GALNT13: variants seen among roughly 807,000 people sequenced by gnomAD.
The protein encoded by GALNT13 is UDP-GalNAc:polypeptide N-acetylgalactosaminyltransferase 13.
GALNT13 carries 28 observed loss-of-function variants against 64.2 expected under a neutral mutation model. That is an observed-to-expected ratio of 0.44 (90% CI 0.32 to 0.60). The LOEUF (loss-of-function observed/expected upper bound fraction) is 0.60, where lower values mean the gene tolerates loss of function less well. Ranked by LOEUF, GALNT13 falls within the 20% of genes least tolerant of loss-of-function variation. The probability of loss-of-function intolerance (pLI) is 0.05; values close to 1 mark genes in which losing one functional copy is unlikely to be tolerated. For synonymous variants in GALNT13, 214 were observed against 224.6 expected (o/e 0.95, Z 0.42); for missense variants, 577 against 669.8 (o/e 0.86, Z 1.53).
At position 154,169,441 on chromosome 2, in the gene GALNT13, A is replaced by T. The variant is rs2105695521; in HGVS notation, c.311+28936A>T. 2.6e-5 allele frequency among the ~76,000 whole-genome samples: 4 copies of T among 152,310 alleles called. No homozygotes were observed. In the Middle Eastern group the frequency reaches 0.01, roughly 389 times the overall value. ...ATGAACACAACCAGCTCTTGTGAGC[A>T]GGTATTAGCCAGCAGCAGCATACCA... On this transcript the variant is annotated intron_variant, in intron 4 of 12. Coordinates refer to ENST00000392825, the MANE Select transcript of GALNT13 (RefSeq NM_052917.4).
intron 9 of GALNT13, among the ~76,000 whole-genome samples, chr2:154,306,782 G>T (rs536896333): frequency 1.2e-4 from 19 of 152,112 alleles, no homozygotes; most frequent in South Asian, 4.2e-4. Flanking sequence ...AAAATGTAGG[G>T]TCTGCAAAAT....
the GALNT13 span, among the ~76,000 whole-genome samples, chr2:153,175,679 T>C: frequency 1.8e-4 from 27 of 152,280 alleles, no homozygotes; most frequent in African/African-American, 5.8e-4. Flanking sequence ...AAACACTAGG[T>C]AGTAGCAGAA....
chr2:153,349,673 C>T, the GALNT13 span, among the ~76,000 whole-genome samples: 1 of 152,028 alleles, frequency 6.6e-6, no homozygotes, highest in South Asian at 2.1e-4. Context: ...CTAAATTTGC[C>T]TTAATCCAAC....
chr2:153,676,213 C>A, the GALNT13 span, among the ~76,000 whole-genome samples: 1 of 151,960 alleles, frequency 6.6e-6, no homozygotes, highest in Non-Finnish European at 1.5e-5. Context: ...ATACAAAAAA[C>A]CCTCAGAGAT....
chr2:153,874,622 A>T (rs969333501), intron 1 of GALNT13, among the ~76,000 whole-genome samples: 3 of 152,092 alleles, frequency 2.0e-5, no homozygotes, highest in Admixed American at 6.5e-5. Flanking sequence ...TGGTTGATTG[A>T]TTAGCATGCA....
At chr2:153,943,240 C>T (rs191151113) in intron 2 of GALNT13, among the ~76,000 whole-genome samples, 4 of 152,134 alleles carry the variant, frequency 2.6e-5, no homozygotes, top group Admixed American at 2.6e-4. Flanking sequence ...TAATTATGTA[C>T]ATATCTTTGT....
the GALNT13 span, among the ~76,000 whole-genome samples, chr2:153,265,556 G>A: frequency 6.6e-6 from 1 of 152,144 alleles, no homozygotes; most frequent in African/African-American, 2.4e-5. Flanking sequence ...GGATGGGGGA[G>A]TGGTTGTATA....
the GALNT13 span, among the ~76,000 whole-genome samples, chr2:153,361,948 A>C: frequency 6.6e-6 from 1 of 152,172 alleles, no homozygotes; most frequent in Non-Finnish European, 1.5e-5. Context: ...AATGAAGGAG[A>C]AAGTACTAAG....
the GALNT13 span, among the ~76,000 whole-genome samples, chr2:153,464,795 GAAATATA>G: frequency 2.0e-5 from 3 of 152,104 alleles, no homozygotes; most frequent in East Asian, 5.8e-4. Context: ...GTTGTATTAT[GAAATATA>G]AAATATATCA....
rs577562721 is a variant in GALNT13 at position 153,998,086 on chromosome 2, C to T, written c.142+53447C>T. On this transcript the variant is annotated intron_variant, in intron 3 of 12. Transcript: ENST00000392825. ...GGTTCTAAGTCTTTGCTATTGTGAACAGTGTCTCAATAAACATATGTGTGC... is the reference window on the plus strand; with the variant it reads ...GGTTCTAAGTCTTTGCTATTGTGAATAGTGTCTCAATAAACATATGTGTGC... 2.4e-3 allele frequency among the ~76,000 whole-genome samples: 367 copies of T among 152,090 alleles called. 7 individuals are homozygous for T. The East Asian group carries it at 0.055, about 23-fold the overall frequency.
the GALNT13 span, among the ~76,000 whole-genome samples, chr2:153,387,486 T>A: frequency 1.3e-5 from 2 of 152,186 alleles, no homozygotes; most frequent in African/African-American, 2.4e-5. Context: ...TTGACTAACT[T>A]TGTCGTAAAG....
At chr2:153,442,279 G>A in the GALNT13 span, among the ~76,000 whole-genome samples, 1 of 152,176 alleles carries the variant, frequency 6.6e-6, no homozygotes, top group Non-Finnish European at 1.5e-5. Context: ...AGCCAGGCTT[G>A]CATCCCAAGG....
intron 2 of GALNT13, among the ~76,000 whole-genome samples, chr2:153,929,684 CTTT>C (rs1690379311): frequency 6.6e-6 from 1 of 152,092 alleles, no homozygotes; most frequent in African/African-American, 2.4e-5. Context: ...CGGTTTCATT[CTTT>C]TTATGGCTGT....
chr2:153,261,339 A>G, the GALNT13 span, among the ~76,000 whole-genome samples: 1 of 152,074 alleles, frequency 6.6e-6, no homozygotes, highest in Non-Finnish European at 1.5e-5. Context: ...GTTCTTACCT[A>G]TCCTTTTCGA....
chr2:153,107,208 A>C, the GALNT13 span, among the ~76,000 whole-genome samples: 1 of 152,158 alleles, frequency 6.6e-6, no homozygotes, highest in Non-Finnish European at 1.5e-5. Context: ...CTCGCTGTCA[A>C]GATTCAAACA....
chr2:153,996,233 T>G (rs1695513809), intron 3 of GALNT13, among the ~76,000 whole-genome samples: 1 of 152,182 alleles, frequency 6.6e-6, no homozygotes, highest in South Asian at 2.1e-4. Flanking sequence ...CCATGTTTAA[T>G]TTTTTGAGGA....
chr2:153,476,212 T>C, the GALNT13 span, among the ~76,000 whole-genome samples: 2 of 152,236 alleles, frequency 1.3e-5, no homozygotes, highest in South Asian at 2.1e-4. Flanking sequence ...GGACACTTAA[T>C]AGTGGATATG....
rs188101750 is a variant in GALNT13 at position 154,390,032 on chromosome 2, C to T, written c.1157-5959C>T. Among the ~76,000 whole-genome samples, 665 of 152,016 alleles carry T rather than the reference C, an allele frequency of 4.4e-3. 4 individuals are homozygous for T. Among genetic ancestry groups the T allele is most frequent in the African/African-American group, 0.015 (639 of 41,458 alleles). On this transcript the variant is annotated intron_variant, in intron 9 of 12. Coordinates refer to ENST00000392825, the MANE Select transcript of GALNT13 (RefSeq NM_052917.4). ...GAAAGGAACTTGGATAAGACAAATACAATTTTCTCAAGTTTTAAGACTGAG... is the reference window on the plus strand; with the variant it reads ...GAAAGGAACTTGGATAAGACAAATATAATTTTCTCAAGTTTTAAGACTGAG...
At chr2:153,660,176 C>T in the GALNT13 span, among the ~76,000 whole-genome samples, 1 of 152,106 alleles carries the variant, frequency 6.6e-6, no homozygotes, top group Non-Finnish European at 1.5e-5. Flanking sequence ...CTGAAAGCAA[C>T]CTTAATTAGG....
Sources: gnomAD v4.1 joint callset for allele counts (sites outside exome capture counted in the v4.1 genomes callset) on GRCh38, gnomAD v4.1.1 for gene constraint, MANE v1.5 for transcripts, NCBI Gene and HGNC (gene_info 2026-07-23, HGNC 2026-07-21) for gene names.